The following LRRTM4 variants were observed in gnomAD, a reference collection of about 807,000 sequenced individuals.
LRRTM4 encodes leucine rich repeat transmembrane neuronal 4, also known as leucine-rich repeat transmembrane neuronal protein 4.
LRRTM4 carries 25 observed loss-of-function variants against 47.6 expected under a neutral mutation model. The observed-to-expected ratio is 0.53, with a 90% CI of 0.38 to 0.73. LRRTM4 has a LOEUF of 0.73. LRRTM4 is among the 30% of genes least tolerant of loss of function. LRRTM4 has a pLI of 0.00. For synonymous variants in LRRTM4, 311 were observed against 269.5 expected (o/e 1.15, Z -1.51); for missense variants, 638 against 713.4 (o/e 0.89, Z 1.20).
chr2:77,336,436 C>T (rs936922597), intron 3 of LRRTM4, among the ~76,000 whole-genome samples: 1 of 151,986 alleles, frequency 6.6e-6, no homozygotes, highest in Non-Finnish European at 1.5e-5. Flanking sequence ...TACAGGCCAA[C>T]ACCCCAGATG....
intron 3 of LRRTM4, chr2:77,518,003 G>A (rs1035417318): frequency 9.3e-7 from 1 of 1,071,060 alleles, no homozygotes; most frequent in Non-Finnish European, 1.1e-6. Flanking sequence ...AGAATGAAAA[G>A]AGTTTTGTTT....
chr2:76,943,496 G>A (rs1215010338), intron 3 of LRRTM4, among the ~76,000 whole-genome samples: 1 of 152,136 alleles, frequency 6.6e-6, no homozygotes, highest in African/African-American at 2.4e-5. Flanking sequence ...AGACATGTTT[G>A]AGCATCACTT....
chr2:77,168,201 T>A, intron 3 of LRRTM4, among the ~76,000 whole-genome samples: 1 of 152,132 alleles, frequency 6.6e-6, no homozygotes, highest in East Asian at 1.9e-4. Context: ...TCATGTATTA[T>A]TCCTTCTCTT....
rs1203203322 is a variant in LRRTM4, at chr2:76,968,363, T to TACAC, written c.1552-219448_1552-219447insGTGT. ...GTGTATATATATATATATATATATA[T>TACAC]ATATATATATATATATATATACACA... On this transcript the variant is annotated intron_variant, in intron 3 of 3. Coordinates refer to ENST00000409884, the MANE Select transcript of LRRTM4 (RefSeq NM_001134745.3). Among the ~76,000 whole-genome samples, 21 of 131,820 alleles carry TACAC rather than the reference T, an allele frequency of 1.6e-4. 1 individual carries two copies. The highest frequency in any genetic ancestry group is 5.9e-4 in the African/African-American group (21 of 35,304). The allele number at this position is 131,820 out of a possible 152,430, so 86.5% of individuals were successfully genotyped here.
At chr2:77,480,696 A>T (rs1677642234) in intron 3 of LRRTM4, among the ~76,000 whole-genome samples, 1 of 152,088 alleles carries the variant, frequency 6.6e-6, no homozygotes, top group Non-Finnish European at 1.5e-5. Flanking sequence ...CTCACAATTT[A>T]CAAAAAGAAT....
At chr2:76,941,107 T>C (rs1675127172) in intron 3 of LRRTM4, among the ~76,000 whole-genome samples, 1 of 151,800 alleles carries the variant, frequency 6.6e-6, no homozygotes. Context: ...TGAGACACAA[T>C]AAAGAAGAAG....
intron 3 of LRRTM4, among the ~76,000 whole-genome samples, chr2:76,796,056 AC>A (rs537301801): frequency 0.15 from 15,987 of 104,348 alleles, 3,482 homozygotes; most frequent in East Asian, 0.42. Context: ...GGGGTGATGT[AC>A]TGCACCTGGA....
chr2:77,252,156 T>C (rs1306939355), intron 3 of LRRTM4, among the ~76,000 whole-genome samples: 1 of 152,018 alleles, frequency 6.6e-6, no homozygotes, highest in Non-Finnish European at 1.5e-5. Flanking sequence ...TTGCAATGGG[T>C]CTTGCTTTAG....
chr2:77,303,699 T>C (rs955979826), intron 3 of LRRTM4, among the ~76,000 whole-genome samples: 1 of 152,228 alleles, frequency 6.6e-6, no homozygotes, highest in Non-Finnish European at 1.5e-5. Flanking sequence ...GTAAGTGAGG[T>C]CTTCAGGTAT....
intron 3 of LRRTM4, among the ~76,000 whole-genome samples, chr2:77,345,178 T>C (rs176542): frequency 0.07 from 10,515 of 151,270 alleles, 679 homozygotes; most frequent in African/African-American, 0.16. Context: ...TGAATAAAGA[T>C]AAAACAATAA....
intron 3 of LRRTM4, among the ~76,000 whole-genome samples, chr2:77,298,488 C>T (rs935632481): frequency 3.9e-5 from 6 of 152,140 alleles, no homozygotes; most frequent in Admixed American, 6.5e-5. Flanking sequence ...CCGCCCGCCT[C>T]GGCCTCCCAA....
chr2:77,479,338 T>C (rs1257300665), intron 3 of LRRTM4, among the ~76,000 whole-genome samples: 3 of 152,222 alleles, frequency 2.0e-5, no homozygotes, highest in Non-Finnish European at 4.4e-5. Context: ...GTAACAGCCA[T>C]TATAAAACTA....
intron 3 of LRRTM4, among the ~76,000 whole-genome samples, chr2:76,784,189 C>G (rs1674550149): frequency 6.6e-6 from 1 of 151,982 alleles, no homozygotes; most frequent in Non-Finnish European, 1.5e-5. Flanking sequence ...ATAGGTACCA[C>G]TAGATTAATG....
chr2:76,974,246 A>G (rs1397307989), intron 3 of LRRTM4, among the ~76,000 whole-genome samples: 2 of 139,846 alleles, frequency 1.4e-5, no homozygotes, highest in Non-Finnish European at 3.0e-5. Context: ...ATATACATAT[A>G]TATATATACA....
chr2:77,089,292 C>T (rs1680844490), intron 3 of LRRTM4, among the ~76,000 whole-genome samples: 2 of 152,002 alleles, frequency 1.3e-5, no homozygotes, highest in Non-Finnish European at 2.9e-5. Context: ...ACCCCTCAAC[C>T]CCTTCTCCTT....
Position 76,900,658 on chromosome 2 carries a change from T to C in LRRTM4, c.1552-151742A>G, listed in dbSNP as rs144470013. On this transcript the variant is annotated intron_variant, in intron 3 of 3. Coordinates refer to ENST00000409884, the MANE Select transcript of LRRTM4 (RefSeq NM_001134745.3). ...AAAGATTTATGTGAAAGTATGTCCA[T>C]TTAAGTATCATTTAAAGTAACTGAA... Among the ~76,000 whole-genome samples the C allele has an allele frequency of 3.7e-3, 571 of 152,314 alleles. 1 individual carries two copies. The highest frequency in any genetic ancestry group is 0.013 in the African/African-American group (546 of 41,572).
intron 3 of LRRTM4, among the ~76,000 whole-genome samples, chr2:77,452,103 C>A (rs1055893600): frequency 2.0e-5 from 3 of 151,992 alleles, no homozygotes; most frequent in Admixed American, 6.6e-5. Flanking sequence ...ACATTAAATG[C>A]AATGGAAAGC....
intron 3 of LRRTM4, among the ~76,000 whole-genome samples, chr2:77,249,166 A>G (rs1185109531): frequency 6.6e-6 from 1 of 152,082 alleles, no homozygotes; most frequent in Non-Finnish European, 1.5e-5. Context: ...CCTGGCCAAC[A>G]TGGTGAAACC....
chr2:76,904,220 T>C (rs1263283032), intron 3 of LRRTM4, among the ~76,000 whole-genome samples: 1 of 152,232 alleles, frequency 6.6e-6, no homozygotes, highest in Non-Finnish European at 1.5e-5. Flanking sequence ...CAAAGTAGCA[T>C]GTGACAACCT....
Sources: allele counts gnomAD v4.1 joint callset (sites outside exome capture counted in the v4.1 genomes callset), GRCh38; gene constraint gnomAD v4.1.1; transcripts MANE v1.5; gene names NCBI Gene and HGNC (gene_info 2026-07-23, HGNC 2026-07-21).